ANO1: variants seen among roughly 807,000 people sequenced by gnomAD.
ANO1 encodes the protein anoctamin-1.
Under a neutral mutation model 124.0 loss-of-function variants are expected in ANO1, and 59 were observed. The ratio of observed to expected loss-of-function variants is 0.48; its 90% CI spans 0.39 to 0.59. ANO1 has a LOEUF of 0.59. ANO1 is among the 20% of genes least tolerant of loss of function. The pLI, the probability that ANO1 is intolerant of heterozygous loss-of-function variation, is 0.00. For missense variants in ANO1, 1,059 were observed against 1,328.0 expected (o/e 0.80, Z 3.15); for synonymous variants, 529 against 532.0 (o/e 0.99, Z 0.08).
intron 2 of ANO1, among the ~76,000 whole-genome samples, chr11:70,093,498 G>A (rs2044719734): frequency 6.6e-6 from 1 of 152,216 alleles, no homozygotes; most frequent in South Asian, 2.1e-4. Flanking sequence ...GGTCATTGCG[G>A]AGAACGCCAC....
At chr11:70,074,490 G>A (rs1188330983), upstream of ANO1, among the ~76,000 whole-genome samples, 2 of 152,160 alleles carry the variant, frequency 1.3e-5, no homozygotes, top group Non-Finnish European at 2.9e-5. Context: ...AGGGGTGGGG[G>A]TCAGGAGAGC....
chr11:70,156,088 T>A (rs76545423), intron 15 of ANO1, 100 bp downstream of exon 15: 3 of 1,043,750 alleles, frequency 2.9e-6, no homozygotes, highest in Non-Finnish European at 3.9e-6. Flanking sequence ...TATTTTTTTT[T>A]AACATTCACA....
intron 2 of ANO1, among the ~76,000 whole-genome samples, chr11:70,090,919 A>C (rs1306713688): frequency 6.6e-6 from 1 of 152,206 alleles, no homozygotes; most frequent in South Asian, 2.1e-4. Context: ...ATGTTCCCAC[A>C]TCCCTGCTGG....
chr11:69,983,295 C>T (rs1855974289), upstream of ANO1, among the ~76,000 whole-genome samples: 1 of 152,188 alleles, frequency 6.6e-6, no homozygotes, highest in Non-Finnish European at 1.5e-5. Flanking sequence ...GGATGAGTAC[C>T]AGTGCTGGCC....
At chr11:70,024,972 G>C (rs1278047368) in intron 1 of ANO1, among the ~76,000 whole-genome samples, 1 of 152,214 alleles carries the variant, frequency 6.6e-6, no homozygotes, top group Non-Finnish European at 1.5e-5. Flanking sequence ...ACAGCTGCAA[G>C]GACTTGGTGC....
At chr11:70,101,727 G>A (rs2045284960) in intron 2 of ANO1, among the ~76,000 whole-genome samples, 1 of 152,136 alleles carries the variant, frequency 6.6e-6, no homozygotes, top group Non-Finnish European at 1.5e-5. Flanking sequence ...CCTGCACCTG[G>A]TCGCTCTGCA....
chr11:70,186,398 G>GGAAGGAAGGAAGGAAGGAAT (rs2049129715), intron 25 of ANO1, among the ~76,000 whole-genome samples: 1 of 151,078 alleles, frequency 6.6e-6, no homozygotes, highest in African/African-American at 2.4e-5. Flanking sequence ...AAGGAAGGAA[G>GGAAGGAAGGAAGGAAGGAAT]AAAGACATGG....
intron 1 of ANO1, among the ~76,000 whole-genome samples, chr11:70,045,481 C>T (rs1411843721): frequency 6.6e-6 from 1 of 152,122 alleles, no homozygotes; most frequent in African/African-American, 2.4e-5. Context: ...AATAATCTTC[C>T]ACTCGGCCCT....
the ANO1 span, among the ~76,000 whole-genome samples, chr11:69,973,495 G>A: frequency 6.6e-6 from 1 of 152,154 alleles, no homozygotes; most frequent in East Asian, 1.9e-4. Flanking sequence ...GGCTCCTCCT[G>A]TCTCGGGCTC....
intron 23 of ANO1, among the ~76,000 whole-genome samples, chr11:70,181,260 G>C (rs940193489): frequency 6.6e-6 from 1 of 152,176 alleles, no homozygotes; most frequent in African/African-American, 2.4e-5. Flanking sequence ...GACGGTCGAC[G>C]CCCCTGCAGG....
chr11:70,085,574 T>C, intron 1 of ANO1: 1 of 1,535,944 alleles, frequency 6.5e-7, no homozygotes, highest in Non-Finnish European at 8.7e-7. Context: ...AGAGGCATCC[T>C]AGGGCCAGAG....
In ANO1 at chr11:70,138,270, G is replaced by A. The variant is rs757152929; in HGVS notation, c.1258+6191G>A. ...TGAGGCAGGAGAATCACTTGAACCCGGGAGGCAGAGGTTGCAGTGAGCCAA... is the reference window on the plus strand; with the variant it reads ...TGAGGCAGGAGAATCACTTGAACCCAGGAGGCAGAGGTTGCAGTGAGCCAA... On this transcript the variant is annotated intron_variant, in intron 11 of 25. Transcript: ENST00000355303. 8.4e-5 allele frequency among the ~76,000 whole-genome samples: 12 copies of A among 143,556 alleles called. 2 individuals are homozygous for A. The highest frequency in any genetic ancestry group is 3.0e-4 in the Admixed American group (4 of 13,354). 94.2% of individuals were successfully genotyped at this position (143,556 alleles called of 152,430 possible).
At chr11:70,033,901 C>T (rs1403809743) in intron 1 of ANO1, among the ~76,000 whole-genome samples, 1 of 152,118 alleles carries the variant, frequency 6.6e-6, no homozygotes, top group Admixed American at 6.5e-5. Context: ...TGAACATCTG[C>T]TGTCACTATC....
chr11:70,063,264 C>A (rs1158668523), intron 1 of ANO1, among the ~76,000 whole-genome samples: 3 of 151,984 alleles, frequency 2.0e-5, no homozygotes, highest in African/African-American at 7.3e-5. Flanking sequence ...GAATAAAGAG[C>A]AGGGAGGGGA....
chr11:70,125,221 T>C (rs974826023), intron 9 of ANO1, among the ~76,000 whole-genome samples: 11 of 152,184 alleles, frequency 7.2e-5, no homozygotes, highest in African/African-American at 2.7e-4. Context: ...TGCATGCCTA[T>C]AGTCCCAGCT....
the ANO1 span, among the ~76,000 whole-genome samples, chr11:69,971,421 G>C: frequency 9.9e-5 from 15 of 152,198 alleles, no homozygotes; most frequent in Admixed American, 9.8e-4. Context: ...TGTGTTTGCT[G>C]AGCAGCTGAA....
At chr11:70,074,100 T>C (rs1270890456), upstream of ANO1, among the ~76,000 whole-genome samples, 20 of 152,174 alleles carry the variant, frequency 1.3e-4, no homozygotes. Flanking sequence ...ATCATTTACC[T>C]GTTTGGCCTC....
chr11:69,987,604 C>CAAAAAAAAAAAA (rs202001305), intron 1 of ANO1, among the ~76,000 whole-genome samples: 2 of 109,722 alleles, frequency 1.8e-5, no homozygotes, highest in African/African-American at 8.6e-5. Context: ...GACCATGTCT[C>CAAAAAAAAAAAA]AAAAAAAAAA....
intron 1 of ANO1, among the ~76,000 whole-genome samples, chr11:70,018,512 G>A (rs1241221779): frequency 2.0e-5 from 3 of 152,118 alleles, no homozygotes; most frequent in Non-Finnish European, 2.9e-5. Flanking sequence ...GCAGTTCTCC[G>A]CTGCTTCTAG....
Sources: gnomAD v4.1 joint callset for allele counts (sites outside exome capture counted in the v4.1 genomes callset) on GRCh38, gnomAD v4.1.1 for gene constraint, MANE v1.5 for transcripts, NCBI Gene and HGNC (gene_info 2026-07-23, HGNC 2026-07-21) for gene names.